PCDHGB3: variants seen among roughly 807,000 people sequenced by gnomAD.
PCDHGB3 encodes the protein protocadherin gamma-B3.
Under a neutral mutation model 59.2 loss-of-function variants are expected in PCDHGB3, and 40 were observed. The observed-to-expected ratio is 0.68, with a 90% CI of 0.52 to 0.88. The LOEUF is 0.88. PCDHGB3 is among the 40% of genes least tolerant of loss of function. The pLI is 0.00. For missense variants in PCDHGB3, 1,309 were observed against 1,187.9 expected (o/e 1.10, Z -1.50); for synonymous variants, 581 against 503.6 (o/e 1.15, Z -2.06).
At position 141,399,956 on chromosome 5, in the gene PCDHGB3, C is replaced by T. The variant is rs760477759; in HGVS notation, c.2415+27147C>T. On this transcript the variant is annotated intron_variant, in intron 1 of 3. Coordinates refer to ENST00000576222, the MANE Select transcript of PCDHGB3 (RefSeq NM_018924.5). ...TACCACGTGCTGCAGGCTAGCGAGC[C>T]CGGGCTCTTCAGCCTGGGGCTGCGC... is the stretch of plus-strand genomic sequence containing the variant. 106 of 1,612,048 alleles carry T rather than the reference C, an allele frequency of 6.6e-5. No homozygotes were observed. Among genetic ancestry groups the T allele is most frequent in the Middle Eastern group, 1.9e-4 (1 of 5,240 alleles).
chr5:141,465,979 G>A (rs779605313), intron 1 of PCDHGB3, among the ~76,000 whole-genome samples: 9 of 151,846 alleles, frequency 5.9e-5, no homozygotes, highest in Non-Finnish European at 1.3e-4. Flanking sequence ...AAAATTAGCC[G>A]GGCATGGTGG....
chr5:141,421,149 C>T (rs1030911066), intron 1 of PCDHGB3: 1 of 1,086,106 alleles, frequency 9.2e-7, no homozygotes, highest in Non-Finnish European at 1.3e-6. Context: ...ATGTAGTCGG[C>T]CTAGGACTTC....
chr5:141,486,645 C>T lies in PCDHGB3; in HGVS notation c.2416-8162C>T, dbSNP rs369948556. ...GACTCTGGCTTGAATGCGCTTATCT[C>T]CTACTCACTCCTGGAGCCCAGGAAT... On this transcript the variant is annotated intron_variant, in intron 1 of 3. Coordinates refer to ENST00000576222, the MANE Select transcript of PCDHGB3 (RefSeq NM_018924.5). This position sits in a 1 kb window ranked among gnomAD's most constrained non-coding sequence, Gnocchi z 5.0. 1.9e-6 allele frequency: 3 copies of T among 1,613,752 alleles called. No individual in the cohort carries two copies. The highest frequency in any genetic ancestry group is 2.2e-5 in the East Asian group (1 of 44,896).
In PCDHGB3 at chr5:141,511,532, T is replaced by G. The variant is rs548369303; in HGVS notation, c.*359T>G. Reference sequence around the variant, plus strand: ...GCCCATCCATCCCATGCCTCCCTCCTCCCCACCCCACTCCAACAGTTCCTC... The same window carrying G: ...GCCCATCCATCCCATGCCTCCCTCCGCCCCACCCCACTCCAACAGTTCCTC... On this transcript the variant is annotated 3_prime_UTR_variant, in exon 4 of 4. Transcript: ENST00000576222. 3.6e-5 allele frequency: 12 copies of G among 335,506 alleles called. No homozygotes were observed. In the East Asian group the frequency reaches 8.0e-4, roughly 22 times the overall value. The allele number at this position is 335,506 out of a possible 1,614,324, so 20.8% of individuals were successfully genotyped here. A position where few individuals can be genotyped will look rare whatever the true frequency, so the allele number is the denominator to read the frequency against.
chr5:141,400,645 G>A, intron 1 of PCDHGB3: 1 of 1,239,756 alleles, frequency 8.1e-7, no homozygotes, highest in Non-Finnish European at 1.2e-6. Context: ...TGCTCAGAAA[G>A]CTGTCCTACC....
chr5:141,376,542 C>A, intron 1 of PCDHGB3: 1 of 1,612,918 alleles, frequency 6.2e-7, no homozygotes, highest in Non-Finnish European at 8.5e-7. Flanking sequence ...GAAGAGTAAT[C>A]TGATCTTCCC....
chr5:141,410,402 A>G, intron 1 of PCDHGB3: 1 of 1,614,008 alleles, frequency 6.2e-7, no homozygotes, highest in South Asian at 1.1e-5. Flanking sequence ...TCTCTGTGTC[A>G]AGTCTGGACC....
chr5:141,398,317 C>G (rs1364315924), intron 1 of PCDHGB3: 1 of 1,349,834 alleles, frequency 7.4e-7, no homozygotes, highest in Non-Finnish European at 1.0e-6. Flanking sequence ...GTTACCGACT[C>G]GAAAACTGCG....
chr5:141,421,923 G>T (rs2096611568), intron 1 of PCDHGB3: 1 of 1,613,590 alleles, frequency 6.2e-7, no homozygotes. Flanking sequence ...TTCGTGTGGT[G>T]GTCCTCGATG....
intron 1 of PCDHGB3, chr5:141,388,866 C>A (rs2091521937): frequency 2.5e-6 from 4 of 1,613,832 alleles, no homozygotes; most frequent in Non-Finnish European, 3.4e-6. Flanking sequence ...AATGATTGCG[C>A]AATGCACAGT....
At chr5:141,375,821 C>A (rs1472171329) in intron 1 of PCDHGB3, 6 of 1,614,074 alleles carry the variant, frequency 3.7e-6, no homozygotes, top group Non-Finnish European at 5.1e-6. Flanking sequence ...GCTGGCGCCC[C>A]GCTCCGCAGA....
chr5:141,430,773 G>A (rs375524585), intron 1 of PCDHGB3: 2 of 1,507,932 alleles, frequency 1.3e-6, no homozygotes, highest in Non-Finnish European at 1.8e-6. Flanking sequence ...ATTCCTGCGC[G>A]ACTGCACCGG....
At chr5:141,374,172 A>G (rs1770228418) in intron 1 of PCDHGB3, 1 of 1,613,330 alleles carries the variant, frequency 6.2e-7, no homozygotes, top group Non-Finnish European at 8.5e-7. Context: ...GCGGCAGCGC[A>G]GATCCGCTAC....
chr5:141,415,772 T>TTTTA, intron 1 of PCDHGB3: 1 of 1,332,982 alleles, frequency 7.5e-7, no homozygotes, highest in Non-Finnish European at 9.6e-7. Context: ...TTTTTTTTTT[T>TTTTA]ACTTTCTGGT....
chr5:141,487,643 C>T lies in PCDHGB3; in HGVS notation c.2416-7164C>T. 1.2e-6 allele frequency: 2 copies of T among 1,614,104 alleles called. No homozygotes were observed. The highest frequency in any genetic ancestry group is 1.7e-6 in the Non-Finnish European group (2 of 1,179,986). Reference sequence around the variant, plus strand: ...GAGACCTTTGCAGGCTCAACAAATGCTTGAGGGTTATTCTGATCCAGGCAT... The same window carrying T: ...GAGACCTTTGCAGGCTCAACAAATGTTTGAGGGTTATTCTGATCCAGGCAT... On this transcript the variant is annotated intron_variant, in intron 1 of 3. Transcript: ENST00000576222. The surrounding 1 kb of genome is among the most constrained non-coding windows in gnomAD (Gnocchi z 5.0).
Position 141,491,536 on chromosome 5 carries a change from C to T in PCDHGB3, c.2416-3271C>T, listed in dbSNP as rs746800813. 1.2e-6 allele frequency: 2 copies of T among 1,614,006 alleles called. No individual in the cohort carries two copies. Among genetic ancestry groups the T allele is most frequent in the Admixed American group, 3.3e-5 (2 of 60,030 alleles). On this transcript the variant is annotated intron_variant, in intron 1 of 3. Coordinates refer to ENST00000576222, the MANE Select transcript of PCDHGB3 (RefSeq NM_018924.5). This position sits in a 1 kb window ranked among gnomAD's most constrained non-coding sequence, Gnocchi z 6.9. ...CAAGTACATGGAGGTGACGCTGCGG[C>T]CCACAGACTCGCAGAGCCACTGCTA...
intron 1 of PCDHGB3, among the ~76,000 whole-genome samples, chr5:141,381,404 T>A (rs78789599): frequency 5.8e-4 from 89 of 152,360 alleles, no homozygotes; most frequent in African/African-American, 2.0e-3. Context: ...TCTATCAACA[T>A]CAGTGGAGAG....
intron 1 of PCDHGB3, among the ~76,000 whole-genome samples, chr5:141,492,876 G>A (rs2099744774): frequency 6.6e-6 from 1 of 152,184 alleles, no homozygotes; most frequent in African/African-American, 2.4e-5. Context: ...TCAACCCCCA[G>A]AGATACAGGC....
chr5:141,374,776 A>T (rs376190994), intron 1 of PCDHGB3: 2 of 1,613,844 alleles, frequency 1.2e-6, no homozygotes, highest in African/African-American at 1.3e-5. Flanking sequence ...TTCTGGTAAC[A>T]GTTCTAGATG....
Sources: gnomAD v4.1 joint callset for allele counts (sites outside exome capture counted in the v4.1 genomes callset) on GRCh38, gnomAD v4.1.1 for gene constraint, Gnocchi (gnomAD v3.1) non-coding constraint, MANE v1.5 for transcripts, NCBI Gene and HGNC (gene_info 2026-07-23, HGNC 2026-07-21) for gene names.